The following PDE11A variants were observed in gnomAD, a reference collection of about 807,000 sequenced individuals.
PDE11A encodes dual 3',5'-cyclic-AMP and -GMP phosphodiesterase 11A.
In PDE11A, 100 loss-of-function variants were observed where a neutral mutation model predicts 100.5. The ratio of observed to expected loss-of-function variants is 1.00; its 90% CI spans 0.85 to 1.18. The LOEUF (loss-of-function observed/expected upper bound fraction) is 1.18, where lower values mean the gene tolerates loss of function less well. Ranked by LOEUF, PDE11A falls within the 50% of genes most tolerant of loss-of-function variation. The pLI is 0.00. For synonymous variants in PDE11A, 381 were observed against 420.8 expected (o/e 0.91, Z 1.16); for missense variants, 1,141 against 1,152.6 (o/e 0.99, Z 0.15).
At chr2:178,055,232 C>T (rs2086883432) in intron 1 of PDE11A, among the ~76,000 whole-genome samples, 1 of 151,294 alleles carries the variant, frequency 6.6e-6, no homozygotes, top group African/African-American at 2.4e-5. Context: ...TCATTGTGAG[C>T]AAACTATCGC....
At chr2:177,667,696 C>T (rs1220918913) in intron 18 of PDE11A, among the ~76,000 whole-genome samples, 2 of 152,144 alleles carry the variant, frequency 1.3e-5, no homozygotes, top group Non-Finnish European at 2.9e-5. Flanking sequence ...CTATATTTCC[C>T]ACCAGTTGAC....
At chr2:177,710,767 A>G (rs1334884496) in intron 13 of PDE11A, among the ~76,000 whole-genome samples, 1 of 152,134 alleles carries the variant, frequency 6.6e-6, no homozygotes, top group East Asian at 1.9e-4. Context: ...AGAGTCCAAG[A>G]CTCCTGAAGT....
At chr2:178,009,515 G>A (rs545562593) in intron 2 of PDE11A, among the ~76,000 whole-genome samples, 10 of 151,914 alleles carry the variant, frequency 6.6e-5, no homozygotes, top group Admixed American at 4.6e-4. Flanking sequence ...GAACTTTAAA[G>A]AGCATGAGGA....
intron 5 of PDE11A, among the ~76,000 whole-genome samples, chr2:177,864,457 T>C (rs902101087): frequency 2.0e-5 from 3 of 152,188 alleles, no homozygotes; most frequent in Admixed American, 6.6e-5. Flanking sequence ...TAACATGTTG[T>C]ATACCTTAAA....
At chr2:178,018,404 G>A (rs2086366789) in intron 1 of PDE11A, 2 of 158,068 alleles carry the variant, frequency 1.3e-5, no homozygotes, top group Admixed American at 9.3e-5. Context: ...GCCGGGCTTT[G>A]TGATTTCAAC....
Position 178,071,939 on chromosome 2 carries a change from T to G in PDE11A, c.499A>C (p.Thr167Pro). 6.2e-7 allele frequency: 1 copy of G among 1,613,892 alleles called. No individual in the cohort carries two copies. Among genetic ancestry groups the G allele is most frequent in the Non-Finnish European group, 8.5e-7 (1 of 1,179,890 alleles). Residue 167 changes from threonine to proline, a missense_variant, in exon 1 of 20, where the codon ACC becomes CCC. Thr to Pro is a conservative substitution (Grantham distance 38, BLOSUM62 -1). Coordinates refer to ENST00000286063, the MANE Select transcript of PDE11A (RefSeq NM_016953.4). ...LLRKASSLPP[T>P]TAHILSALLE... ...AGCGCACTGAGAATATGGGCTGTGG[T>G]GGGGGGCAGGGAGCTTGCCTTCCGG...
intron 2 of PDE11A, among the ~76,000 whole-genome samples, chr2:178,102,498 T>C (rs2087572287): frequency 7.3e-6 from 1 of 136,930 alleles, no homozygotes. Context: ...GGTCTTGAAC[T>C]CCTGACCTCA....
intron 6 of PDE11A, among the ~76,000 whole-genome samples, chr2:177,835,036 C>T (rs547622090): frequency 6.6e-6 from 1 of 152,054 alleles, no homozygotes; most frequent in Non-Finnish European, 1.5e-5. Flanking sequence ...AAGGTTATGA[C>T]AACAGTGGAG....
At chr2:177,656,798 G>A (rs2080392237) in intron 19 of PDE11A, among the ~76,000 whole-genome samples, 1 of 152,210 alleles carries the variant, frequency 6.6e-6, no homozygotes, top group African/African-American at 2.4e-5. Context: ...TTGGGCTGGT[G>A]TCTTCCAGGC....
At chr2:177,880,577 TC>T (rs2084314566) in intron 4 of PDE11A, among the ~76,000 whole-genome samples, 1 of 152,178 alleles carries the variant, frequency 6.6e-6, no homozygotes. Flanking sequence ...GTAACAGCTT[TC>T]AATGAGTTCT....
intron 10 of PDE11A, among the ~76,000 whole-genome samples, chr2:177,754,172 G>A (rs2082060090): frequency 6.6e-6 from 1 of 152,218 alleles, no homozygotes; most frequent in African/African-American, 2.4e-5. Flanking sequence ...GCAGAGGAGT[G>A]ACAGTTGGGA....
chr2:177,810,598 G>C (rs1272426342), intron 9 of PDE11A, among the ~76,000 whole-genome samples: 1 of 152,146 alleles, frequency 6.6e-6, no homozygotes, highest in East Asian at 1.9e-4. Context: ...CTGGTCTTCA[G>C]ACTATGACAT....
chr2:178,077,364 A>G (rs77154595), upstream of PDE11A, among the ~76,000 whole-genome samples: 1,470 of 146,486 alleles, frequency 0.01, 21 homozygotes, highest in African/African-American at 0.036. Flanking sequence ...ACTGCAAAAT[A>G]TTTGCTCCTA....
At chr2:177,891,836 T>C (rs1278402705) in intron 4 of PDE11A, among the ~76,000 whole-genome samples, 3 of 152,236 alleles carry the variant, frequency 2.0e-5, no homozygotes, top group African/African-American at 4.8e-5. Context: ...ATAGAGACTG[T>C]GTGACTTGCA....
chr2:177,911,577 A>G (rs2084881584), intron 2 of PDE11A, among the ~76,000 whole-genome samples: 1 of 152,152 alleles, frequency 6.6e-6, no homozygotes, highest in Non-Finnish European at 1.5e-5. Flanking sequence ...ATAAATATAA[A>G]ACATTGTTTT....
chr2:178,052,055 T>C (rs2086835583), intron 1 of PDE11A, among the ~76,000 whole-genome samples: 1 of 152,110 alleles, frequency 6.6e-6, no homozygotes, highest in African/African-American at 2.4e-5. Flanking sequence ...ATCAACAGAA[T>C]ATACATTCTT....
intron 18 of PDE11A, among the ~76,000 whole-genome samples, chr2:177,667,688 A>G (rs880899): frequency 0.58 from 87,999 of 152,150 alleles, 29,821 homozygotes; most frequent in Non-Finnish European, 0.72. Flanking sequence ...TTTCATGTCT[A>G]TATTTCCCAC....
intron 4 of PDE11A, among the ~76,000 whole-genome samples, chr2:177,894,750 A>G (rs1558995513): frequency 1.3e-5 from 2 of 152,210 alleles, no homozygotes; most frequent in Non-Finnish European, 2.9e-5. Flanking sequence ...ATCTTGCTAC[A>G]TAGCATCCTT....
At chr2:177,802,969 C>G (rs999775328) in intron 9 of PDE11A, among the ~76,000 whole-genome samples, 1 of 151,558 alleles carries the variant, frequency 6.6e-6, no homozygotes, top group Non-Finnish European at 1.5e-5. Flanking sequence ...AACTAGGAAA[C>G]TATAGGGAAA....
Sources: allele counts gnomAD v4.1 joint callset (sites outside exome capture counted in the v4.1 genomes callset), GRCh38; gene constraint gnomAD v4.1.1; transcripts MANE v1.5; gene names NCBI Gene and HGNC (gene_info 2026-07-23, HGNC 2026-07-21).